LUZP2: variants seen among roughly 807,000 people sequenced by gnomAD.
LUZP2 encodes the protein leucine zipper protein 2.
In LUZP2, 52 loss-of-function variants were observed where a neutral mutation model predicts 51.6. That is an observed-to-expected ratio of 1.01 (90% CI 0.81 to 1.27). The LOEUF (loss-of-function observed/expected upper bound fraction) is 1.27. LUZP2 is among the 50% of genes most tolerant of loss of function. LUZP2 has a pLI of 0.00. For synonymous variants in LUZP2, 154 were observed against 137.3 expected, an observed-to-expected ratio of 1.12 and a Z score of -0.85; for missense variants, 436 against 395.4, an observed-to-expected ratio of 1.10 and a Z score of -0.87.
intron 1 of LUZP2, among the ~76,000 whole-genome samples, chr11:24,506,667 G>T (rs75287290): frequency 6.6e-6 from 1 of 152,008 alleles, no homozygotes; most frequent in Non-Finnish European, 1.5e-5. Context: ...AGGACTAATC[G>T]TGTGTGTAGA....
At chr11:24,636,958 A>G (rs1855126179) in intron 1 of LUZP2, among the ~76,000 whole-genome samples, 1 of 151,636 alleles carries the variant, frequency 6.6e-6, no homozygotes, top group Non-Finnish European at 1.5e-5. Context: ...AAATATAAAA[A>G]TTATAGAATA....
At chr11:24,581,257 A>T (rs1852843069) in intron 1 of LUZP2, among the ~76,000 whole-genome samples, 1 of 152,138 alleles carries the variant, frequency 6.6e-6, no homozygotes, top group Non-Finnish European at 1.5e-5. Flanking sequence ...TCATAAAAAG[A>T]ACAAACAAAC....
chr11:24,808,561 A>T (rs1346553076), intron 5 of LUZP2, among the ~76,000 whole-genome samples: 6 of 152,272 alleles, frequency 3.9e-5, no homozygotes, highest in Admixed American at 2.6e-4. Flanking sequence ...TCAAAGTTAA[A>T]TTTTTTATAC....
intron 10 of LUZP2, among the ~76,000 whole-genome samples, chr11:25,060,488 G>C (rs1196898079): frequency 6.6e-6 from 1 of 152,082 alleles, no homozygotes; most frequent in Non-Finnish European, 1.5e-5. Context: ...AATTTTGCGG[G>C]GACATAAATA....
At chr11:25,042,971 G>A (rs1858121400) in intron 9 of LUZP2, among the ~76,000 whole-genome samples, 1 of 152,154 alleles carries the variant, frequency 6.6e-6, no homozygotes. Context: ...AAGTCATAAT[G>A]GTGGGAGCAT....
At chr11:25,002,014 G>A (rs1273898528) in intron 9 of LUZP2, among the ~76,000 whole-genome samples, 2 of 152,180 alleles carry the variant, frequency 1.3e-5, no homozygotes, top group Non-Finnish European at 2.9e-5. Flanking sequence ...TGATTTCCCT[G>A]TGGTATTTAA....
intron 8 of LUZP2, among the ~76,000 whole-genome samples, chr11:24,981,436 G>A (rs1160633504): frequency 2.0e-5 from 3 of 151,700 alleles, no homozygotes; most frequent in Non-Finnish European, 4.4e-5. Context: ...TGCCATCTAG[G>A]TTTTGGGGGT....
At chr11:24,546,954 TTGTTGTTGTTGGTGGTGGTGGTGGTGG>T (rs1261228917) in intron 1 of LUZP2, among the ~76,000 whole-genome samples, 1 of 125,684 alleles carries the variant, frequency 8.0e-6, no homozygotes, top group Non-Finnish European at 1.7e-5. Flanking sequence ...GTTGTTGTTG[TTGTTGTTGTTGGTGGTGGTGGTGGTGG>T]TGGTGGTGGT....
At chr11:25,011,543 A>G (rs1237575717) in intron 9 of LUZP2, among the ~76,000 whole-genome samples, 3 of 152,168 alleles carry the variant, frequency 2.0e-5, no homozygotes, top group Non-Finnish European at 4.4e-5. Flanking sequence ...GGTTCAGGCC[A>G]TTTAGTTTTC....
intron 1 of LUZP2, among the ~76,000 whole-genome samples, chr11:24,566,940 CATAAATATATATATATATTTATATATAA>C (rs1852261304): frequency 3.1e-4 from 1 of 3,274 alleles, no homozygotes; most frequent in Non-Finnish European, 6.1e-4. Context: ...TATATATATA[CATAAATATATATATATATTTATATATAA>C]ATATGTATAT....
intron 1 of LUZP2, among the ~76,000 whole-genome samples, chr11:24,713,026 T>C (rs950262269): frequency 5.3e-5 from 8 of 152,158 alleles, no homozygotes; most frequent in Non-Finnish European, 1.0e-4. Flanking sequence ...TAGACATCTT[T>C]AGTGAGGGAC....
At chr11:24,675,735 A>G (rs889673816) in intron 1 of LUZP2, among the ~76,000 whole-genome samples, 16 of 151,836 alleles carry the variant, frequency 1.1e-4, no homozygotes, top group African/African-American at 3.4e-4. Flanking sequence ...TATTATTACT[A>G]TTAATATGTC....
intron 7 of LUZP2, among the ~76,000 whole-genome samples, chr11:24,965,548 A>G (rs538736364): frequency 3.3e-5 from 5 of 151,860 alleles, no homozygotes; most frequent in African/African-American, 1.2e-4. Context: ...ATAAAACATG[A>G]GATTATAAAC....
chr11:24,826,339 G>C (rs1466221709), intron 5 of LUZP2, among the ~76,000 whole-genome samples: 1 of 150,540 alleles, frequency 6.6e-6, no homozygotes, highest in African/African-American at 2.5e-5. Context: ...TTGTGTCTCT[G>C]AGACTCAGGG....
chr11:24,816,565 C>A (rs1166889503), intron 5 of LUZP2, among the ~76,000 whole-genome samples: 4 of 151,888 alleles, frequency 2.6e-5, no homozygotes, highest in Admixed American at 2.0e-4. Context: ...TTGACCCAGT[C>A]AAATCTTGAT....
chr11:24,556,814 C>T (rs1851882576), intron 1 of LUZP2, among the ~76,000 whole-genome samples: 1 of 152,014 alleles, frequency 6.6e-6, no homozygotes, highest in Non-Finnish European at 1.5e-5. Context: ...TGTCTTGCAC[C>T]CTCAACACTA....
chr11:24,902,402 T>C (rs1361260929), intron 5 of LUZP2, among the ~76,000 whole-genome samples: 1 of 152,126 alleles, frequency 6.6e-6, no homozygotes, highest in Admixed American at 6.6e-5. Context: ...CTCTGAGAAA[T>C]CCGGAGAAAA....
chr11:24,519,643 C>T (rs1402564384), intron 1 of LUZP2, among the ~76,000 whole-genome samples: 2 of 152,166 alleles, frequency 1.3e-5, no homozygotes. Flanking sequence ...CAGTTCTACA[C>T]ATGTACTGGA....
intron 9 of LUZP2, among the ~76,000 whole-genome samples, chr11:25,019,434 A>G (rs970136976): frequency 6.6e-6 from 1 of 152,172 alleles, no homozygotes; most frequent in Non-Finnish European, 1.5e-5. Context: ...TTTGAACTAT[A>G]TCATATACCA....
Sources: allele counts gnomAD v4.1 joint callset (sites outside exome capture counted in the v4.1 genomes callset), GRCh38; gene constraint gnomAD v4.1.1; transcripts MANE v1.5; gene names NCBI Gene and HGNC (gene_info 2026-07-23, HGNC 2026-07-21).